The following UBE2L3 variants were observed in gnomAD, a reference collection of about 807,000 sequenced individuals.
UBE2L3 encodes the protein ubiquitin conjugating enzyme E2 L3, also known as ubiquitin-conjugating enzyme E2 L3.
Under a neutral mutation model 17.8 loss-of-function variants are expected in UBE2L3, and 1 was observed. The observed-to-expected ratio is 0.06, with a 90% CI of 0.02 to 0.27. UBE2L3 has a LOEUF of 0.27. Ranked by LOEUF, UBE2L3 falls within the 10% of genes least tolerant of loss-of-function variation. The probability of loss-of-function intolerance (pLI) is 1.00; values close to 1 mark genes in which losing one functional copy is unlikely to be tolerated. For missense variants in UBE2L3, 40 were observed against 192.6 expected (o/e 0.21, Z 4.69); for synonymous variants, 44 against 68.5 (o/e 0.64, Z 1.76).
At chr22:21,581,648 C>T (rs190920227) in intron 1 of UBE2L3, among the ~76,000 whole-genome samples, 1 of 151,502 alleles carries the variant, frequency 6.6e-6, no homozygotes, top group East Asian at 1.9e-4. Context: ...ACTGAAAATA[C>T]AAAATTAGCC....
At chr22:21,607,383 C>T (rs892198210) in intron 2 of UBE2L3, among the ~76,000 whole-genome samples, 3 of 151,462 alleles carry the variant, frequency 2.0e-5, no homozygotes, top group Non-Finnish European at 4.4e-5. Context: ...GGCAGGGTAG[C>T]GGGTACCTGT....
chr22:21,572,143 C>T lies in UBE2L3; in HGVS notation c.27+4372C>T, dbSNP rs142021417. On this transcript the variant is annotated intron_variant, in intron 1 of 3. Transcript: ENST00000342192. ...ACCTTTTAAGGTATTTACTAGAAAA[C>T]TCTGAGGCAGGCCAGGCGTGGTGAC... Among the ~76,000 whole-genome samples, 1,473 of 152,016 alleles carry T rather than the reference C, an allele frequency of 9.7e-3. 29 individuals carry two copies. Among genetic ancestry groups the T allele is most frequent in the African/African-American group, 0.034 (1,404 of 41,474 alleles).
chr22:21,614,025 T>TG (rs757831383), intron 3 of UBE2L3, among the ~76,000 whole-genome samples: 26 of 152,220 alleles, frequency 1.7e-4, no homozygotes, highest in Admixed American at 3.9e-4. Flanking sequence ...GTATGCAGGA[T>TG]GGGAGACATG....
intron 3 of UBE2L3, among the ~76,000 whole-genome samples, chr22:21,614,406 A>G (rs376058766): frequency 2.6e-5 from 4 of 151,624 alleles, no homozygotes; most frequent in African/African-American, 9.7e-5. Flanking sequence ...CCTGAGGAAC[A>G]TGGTGAAACC....
intron 1 of UBE2L3, among the ~76,000 whole-genome samples, chr22:21,592,438 G>C (rs192016320): frequency 6.6e-6 from 1 of 151,864 alleles, no homozygotes; most frequent in Admixed American, 6.5e-5. Flanking sequence ...CTCAGCATCC[G>C]GTGCATAATC....
intron 1 of UBE2L3, among the ~76,000 whole-genome samples, chr22:21,556,621 T>C (rs1263407636): frequency 1.8e-4 from 26 of 141,596 alleles, no homozygotes; most frequent in African/African-American, 6.0e-4. Context: ...TTTCTTTTTT[T>C]TTTTTGTATT....
chr22:21,580,390 C>A (rs1293723144), intron 1 of UBE2L3, among the ~76,000 whole-genome samples: 1 of 152,164 alleles, frequency 6.6e-6, no homozygotes, highest in Non-Finnish European at 1.5e-5. Flanking sequence ...GCCATGGCTA[C>A]CCCTTTCCCA....
chr22:21,562,250 A>G (rs1252218358), intron 1 of UBE2L3, among the ~76,000 whole-genome samples: 1 of 147,856 alleles, frequency 6.8e-6, no homozygotes, highest in East Asian at 2.0e-4. Context: ...GCTGGAATGC[A>G]GTGGCGTGAT....
chr22:21,622,671 A>G lies in UBE2L3; in HGVS notation c.*1002A>G, dbSNP rs1324626983. ...GGCCCTGCCACAGCCCTCCCTCGGC[A>G]CACTTTGACCCTTTGTAGGATTGGA... On this transcript the variant is annotated 3_prime_UTR_variant, in exon 4 of 4. Transcript: ENST00000342192. The G allele has an allele frequency of 1.3e-5, 2 of 152,940 alleles. No homozygotes were observed. The highest frequency in any genetic ancestry group is 3.7e-4 in the East Asian group (2 of 5,396). 9.5% of individuals were successfully genotyped at this position (152,940 alleles called of 1,614,324 possible). A position where few individuals can be genotyped will look rare whatever the true frequency, so the allele number is the denominator to read the frequency against.
chr22:21,590,523 G>A (rs1409640070), intron 1 of UBE2L3, among the ~76,000 whole-genome samples: 1 of 152,246 alleles, frequency 6.6e-6, no homozygotes, highest in East Asian at 1.9e-4. Context: ...TACTGTTGGA[G>A]TGTGGATTTC....
chr22:21,610,752 C>G, intron 2 of UBE2L3, 105 bp from the exon 3 acceptor site: 2 of 1,269,342 alleles, frequency 1.6e-6, no homozygotes, highest in Non-Finnish European at 1.1e-6. Flanking sequence ...ATACTTGAAT[C>G]CCTTGAAATA....
At chr22:21,567,638 T>C, upstream of UBE2L3, 1 of 1,544,322 alleles carries the variant, frequency 6.5e-7, no homozygotes, top group Non-Finnish European at 8.7e-7. Flanking sequence ...TCCGCTCTGC[T>C]CCTGTGCCCC....
At chr22:21,602,635 G>A (rs879479132) in intron 2 of UBE2L3, among the ~76,000 whole-genome samples, 1 of 152,216 alleles carries the variant, frequency 6.6e-6, no homozygotes, top group Non-Finnish European at 1.5e-5. Context: ...CAGATAGTTC[G>A]GTGCCATATG....
upstream of UBE2L3, among the ~76,000 whole-genome samples, chr22:21,565,949 CCATTTTCCA>C (rs1362278918): frequency 6.7e-5 from 10 of 148,964 alleles, no homozygotes; most frequent in African/African-American, 2.4e-4. Flanking sequence ...CCTCCATTCC[CCATTTTCCA>C]ATCAGAGTAC....
intron 2 of UBE2L3, among the ~76,000 whole-genome samples, chr22:21,598,195 A>AGTGTGTGTGTGTGTGTGTG (rs1928656251): frequency 4.0e-4 from 60 of 148,512 alleles, no homozygotes; most frequent in African/African-American, 1.4e-3. Context: ...GGTTTCATTA[A>AGTGTGTGTGTGTGTGTGTG]TGTGTGTGTG....
In UBE2L3 at chr22:21,598,046, C is replaced by T. The variant is rs1601423781; in HGVS notation, c.123+5090C>T. On this transcript the variant is annotated intron_variant, in intron 2 of 3. Coordinates refer to ENST00000342192, the MANE Select transcript of UBE2L3 (RefSeq NM_003347.4). ...GAACTCCTAGACTCAAGTGATCCGC[C>T]TGCCTTAGCCTCCCAAAGTGCTGGG... is the stretch of plus-strand genomic sequence containing the variant. Among the ~76,000 whole-genome samples, 5 of 151,076 alleles carry T rather than the reference C, an allele frequency of 3.3e-5. No homozygotes were observed. The South Asian group carries it at 1.0e-3, about 32-fold the overall frequency.
intron 1 of UBE2L3, among the ~76,000 whole-genome samples, chr22:21,589,466 A>G (rs1336803339): frequency 2.0e-5 from 3 of 151,760 alleles, no homozygotes; most frequent in Non-Finnish European, 4.4e-5. Context: ...TTTTGGGCTA[A>G]ATAGTTTCTG....
intron 1 of UBE2L3, among the ~76,000 whole-genome samples, chr22:21,578,731 T>C (rs1007093744): frequency 6.6e-6 from 1 of 152,272 alleles, no homozygotes; most frequent in African/African-American, 2.4e-5. Flanking sequence ...TTGTGGGCAG[T>C]GCGTTCCTCT....
chr22:21,576,309 T>C (rs1927291577), intron 1 of UBE2L3, among the ~76,000 whole-genome samples: 3 of 151,380 alleles, frequency 2.0e-5, no homozygotes, highest in African/African-American at 7.3e-5. Context: ...TTTTTTGTTT[T>C]TTTTTTGAGA....
Sources: allele counts gnomAD v4.1 joint callset (sites outside exome capture counted in the v4.1 genomes callset), GRCh38; gene constraint gnomAD v4.1.1; transcripts MANE v1.5; gene names NCBI Gene and HGNC (gene_info 2026-07-23, HGNC 2026-07-21).